Variants in PLA2G5 observed in about 807,000 individuals in gnomAD.
PLA2G5 encodes phospholipase A2 group V.
Under a neutral mutation model 15.9 loss-of-function variants are expected in PLA2G5, and 12 were observed. That is an observed-to-expected ratio of 0.76 (90% CI 0.48 to 1.23). The LOEUF (loss-of-function observed/expected upper bound fraction) is 1.23. Among genes scored for constraint, PLA2G5 ranks in the 50% most tolerant of loss-of-function variants. PLA2G5 has a pLI of 0.00. For synonymous variants in PLA2G5, 71 were observed against 71.4 expected, an observed-to-expected ratio of 0.99 and a Z score of 0.03; for missense variants, 169 against 177.1, an observed-to-expected ratio of 0.95 and a Z score of 0.26.
rs776845540 is a variant in PLA2G5, at chr1:20,090,683, C to G, written c.408C>G (p.Leu136=). 14 of 1,614,174 alleles carry G rather than the reference C, an allele frequency of 8.7e-6. 1 individual carries two copies. In the South Asian group the frequency reaches 1.2e-4, roughly 14 times the overall value. ...NPQYQYFPNI[L]CS ...AGTACCAATACTTTCCCAACATCCT[C>G]TGCTCCTAGGCCTCCCCAGCGAGCT... The change falls in exon 5 of 5, where the codon CTC becomes CTG. Residue 136 remains leucine, a synonymous_variant. Transcript: ENST00000375108.
chr1:20,032,425 T>C (rs999696851), intron 1 of PLA2G5, among the ~76,000 whole-genome samples: 5 of 151,782 alleles, frequency 3.3e-5, no homozygotes, highest in African/African-American at 1.2e-4. Context: ...TGTCAGAAGG[T>C]ACTGGATTTG....
At chr1:20,036,962 G>A (rs1350415079) in intron 1 of PLA2G5, among the ~76,000 whole-genome samples, 1 of 152,180 alleles carries the variant, frequency 6.6e-6, no homozygotes, top group African/African-American at 2.4e-5. Flanking sequence ...ACCACACCTG[G>A]CCTTTTAAAA....
At chr1:20,072,981 A>C (rs976974092) in intron 1 of PLA2G5, among the ~76,000 whole-genome samples, 1 of 152,122 alleles carries the variant, frequency 6.6e-6, no homozygotes. Context: ...ATTGCTCAAG[A>C]AAGATTTGCT....
At chr1:20,075,372 T>C (rs1189365078) in intron 1 of PLA2G5, among the ~76,000 whole-genome samples, 1 of 152,198 alleles carries the variant, frequency 6.6e-6, no homozygotes, top group Non-Finnish European at 1.5e-5. Flanking sequence ...TTCTGAGCAG[T>C]CACTTGGGGG....
intron 1 of PLA2G5, among the ~76,000 whole-genome samples, chr1:20,040,941 G>C (rs1230363437): frequency 6.6e-6 from 1 of 152,174 alleles, no homozygotes; most frequent in East Asian, 1.9e-4. Context: ...TCTGGACCGA[G>C]CCAGTGTTCA....
intron 1 of PLA2G5, among the ~76,000 whole-genome samples, chr1:20,056,392 A>G (rs2014435347): frequency 6.6e-6 from 1 of 152,000 alleles, no homozygotes; most frequent in African/African-American, 2.4e-5. Context: ...GTTCCTTTTT[A>G]TTCCTAGTTT....
At chr1:20,029,057 CTT>C (rs2012734540) in intron 1 of PLA2G5, among the ~76,000 whole-genome samples, 4 of 152,214 alleles carry the variant, frequency 2.6e-5, no homozygotes, top group Admixed American at 2.6e-4. Flanking sequence ...CAATTAGACT[CTT>C]TACCTTGTTG....
chr1:20,073,529 A>G (rs748375522), intron 1 of PLA2G5, among the ~76,000 whole-genome samples: 2 of 152,188 alleles, frequency 1.3e-5, no homozygotes, highest in Non-Finnish European at 2.9e-5. Flanking sequence ...CTACTTCCAC[A>G]TTTAATTGGT....
chr1:20,064,243 A>G (rs771268731), intron 2 of PLA2G5, among the ~76,000 whole-genome samples: 7 of 152,246 alleles, frequency 4.6e-5, no homozygotes, highest in Non-Finnish European at 7.3e-5. Flanking sequence ...TGGTTAGCAT[A>G]GTCATAAAAT....
chr1:20,084,658 A>G (rs1340230192), intron 1 of PLA2G5, among the ~76,000 whole-genome samples, 163 bp from the exon 2 acceptor site: 7 of 152,116 alleles, frequency 4.6e-5, no homozygotes, highest in Admixed American at 4.6e-4. Flanking sequence ...CAGTGGACCT[A>G]CAGTTTTTTG....
chr1:20,086,600 T>C (rs1278362424), intron 3 of PLA2G5, among the ~76,000 whole-genome samples: 1 of 152,228 alleles, frequency 6.6e-6, no homozygotes, highest in African/African-American at 2.4e-5. Flanking sequence ...CAGCATCTCC[T>C]GGCCTAGGAG....
Position 20,042,511 on chromosome 1 carries a change from CTG to C in PLA2G5, n.276+13808_276+13809del, listed in dbSNP as rs200645997. ...TTGACCGCACAGCCCTGCACTTTGT[CTG>C]TGTGTAATGAAAAGCGTTGGGATGA... is the stretch of plus-strand genomic sequence containing the variant. On this transcript the variant is annotated intron_variant and non_coding_transcript_variant, in intron 1 of 6. Transcript: ENST00000460175. Among the ~76,000 whole-genome samples, 1,383 of 152,196 alleles carry C rather than the reference CTG, an allele frequency of 9.1e-3. 26 individuals carry two copies. Among genetic ancestry groups the C allele is most frequent in the African/African-American group, 0.031 (1,306 of 41,492 alleles).
chr1:20,048,570 G>C (rs996441125), intron 1 of PLA2G5, among the ~76,000 whole-genome samples: 1 of 152,198 alleles, frequency 6.6e-6, no homozygotes. Flanking sequence ...AGTAAGGTTT[G>C]TTTTGGGAAA....
At chr1:20,084,454 G>A (rs571294478) in intron 1 of PLA2G5, among the ~76,000 whole-genome samples, 6 of 152,254 alleles carry the variant, frequency 3.9e-5, no homozygotes, top group Non-Finnish European at 5.9e-5. Flanking sequence ...CCATGTCTAG[G>A]TTATATCAAG....
chr1:20,049,708 C>T (rs772172894), intron 1 of PLA2G5, among the ~76,000 whole-genome samples: 45 of 152,176 alleles, frequency 3.0e-4, no homozygotes, highest in Non-Finnish European at 4.1e-4. Flanking sequence ...TGTGAGGCCT[C>T]CCCAGCCATA....
Position 20,090,757 on chromosome 1 carries a change from G to A in PLA2G5, c.*65G>A. ...CTGTTTTTCTACAACACAGAGTACT[G>A]ACTCTGCCTGGTTCCTGAGAGAGGC... On this transcript the variant is annotated 3_prime_UTR_variant, in exon 5 of 5. Coordinates refer to ENST00000375108, the MANE Select transcript of PLA2G5 (RefSeq NM_000929.3). 6.5e-7 allele frequency: 1 copy of A among 1,537,876 alleles called. No homozygotes were observed. The highest frequency in any genetic ancestry group is 9.0e-7 in the Non-Finnish European group (1 of 1,112,900).
intron 1 of PLA2G5, among the ~76,000 whole-genome samples, chr1:20,037,211 A>G (rs144359261): frequency 1.3e-5 from 2 of 152,174 alleles, no homozygotes; most frequent in South Asian, 2.1e-4. Flanking sequence ...CTGGGGTTCA[A>G]GCGTTGCTGT....
chr1:20,042,295 G>A, intron 1 of PLA2G5, among the ~76,000 whole-genome samples: 1 of 152,164 alleles, frequency 6.6e-6, no homozygotes, highest in Non-Finnish European at 1.5e-5. Context: ...TAAACCAAGT[G>A]TGATCAGGGT....
intron 1 of PLA2G5, among the ~76,000 whole-genome samples, chr1:20,044,795 G>A (rs1221237778): frequency 1.3e-5 from 2 of 152,046 alleles, no homozygotes; most frequent in East Asian, 3.9e-4. Flanking sequence ...AGCCTGGCAG[G>A]GTGCGATCTG....
Sources: allele counts gnomAD v4.1 joint callset (sites outside exome capture counted in the v4.1 genomes callset), GRCh38; gene constraint gnomAD v4.1.1; transcripts MANE v1.5; gene names NCBI Gene and HGNC (gene_info 2026-07-23, HGNC 2026-07-21).